Variants in FAM184B observed in about 807,000 individuals in gnomAD.
FAM184B encodes the protein family with sequence similarity 184 member B, also known as protein FAM184B.
Under a neutral mutation model 135.9 loss-of-function variants are expected in FAM184B, and 111 were observed. The ratio of observed to expected loss-of-function variants is 0.82; its 90% confidence interval spans 0.70 to 0.96. The LOEUF is 0.96. FAM184B is among the 40% of genes least tolerant of loss of function. FAM184B has a pLI of 0.00. For missense variants in FAM184B, 1,375 were observed against 1,323.9 expected (o/e 1.04, Z -0.60); for synonymous variants, 552 against 524.8 (o/e 1.05, Z -0.71).
In FAM184B at chr4:17,658,423, A is replaced by G. The variant is rs1393889273; in HGVS notation, c.1964T>C (p.Met655Thr). 8 of 1,551,476 alleles carry G rather than the reference A, an allele frequency of 5.2e-6. No homozygotes were observed. The highest frequency in any genetic ancestry group is 6.1e-6 in the Non-Finnish European group (7 of 1,147,002). Residue 655 changes from methionine to threonine, a missense_variant, in exon 10 of 18, where the codon ATG becomes ACG. Met to Thr is a moderately conservative substitution (Grantham distance 81). Transcript: ENST00000265018. ...GTGGGAAGCCTCGAGCTGGGCTTTC[A>G]TGGCGTGGTTCTGCTGAGTGGTCTC... ...LQETTQQNHA[M>T]KAQLEASHQR...
chr4:17,770,045 C>T (rs1253775202), intron 1 of FAM184B, among the ~76,000 whole-genome samples: 1 of 152,014 alleles, frequency 6.6e-6, no homozygotes, highest in African/African-American at 2.4e-5. Flanking sequence ...AAGCTTGGCA[C>T]AGGAGAAGAT....
At chr4:17,731,923 A>G (rs1392399544) in intron 1 of FAM184B, among the ~76,000 whole-genome samples, 2 of 152,100 alleles carry the variant, frequency 1.3e-5, no homozygotes, top group African/African-American at 4.8e-5. Flanking sequence ...AAAACTGACC[A>G]CATAGTTGGA....
chr4:17,654,863 C>CT (rs1184715122), intron 10 of FAM184B, among the ~76,000 whole-genome samples: 1 of 151,208 alleles, frequency 6.6e-6, no homozygotes, highest in Non-Finnish European at 1.5e-5. Context: ...TTTTCTTTTT[C>CT]TTTTTTTGAG....
intron 1 of FAM184B, among the ~76,000 whole-genome samples, chr4:17,773,764 A>C (rs1718869131): frequency 6.6e-6 from 1 of 151,942 alleles, no homozygotes; most frequent in African/African-American, 2.4e-5. Context: ...TTTAGTAGAG[A>C]TGGGGTTTCT....
chr4:17,745,993 C>T (rs1447068921), intron 1 of FAM184B, among the ~76,000 whole-genome samples: 1 of 152,190 alleles, frequency 6.6e-6, no homozygotes, highest in African/African-American at 2.4e-5. Flanking sequence ...GAGTCTCACT[C>T]TGTCGCCCAG....
In FAM184B at chr4:17,642,049, C is replaced by T; in HGVS notation, c.2519+7G>A. 6.6e-7 allele frequency: 1 copy of T among 1,523,730 alleles called. No individual in the cohort carries two copies. 94.4% of individuals were successfully genotyped at this position (1,523,730 alleles called of 1,614,324 possible). On this transcript the variant is annotated splice_region_variant and intron_variant, in intron 13 of 17. Transcript: ENST00000265018. The stretch of plus-strand genomic sequence containing the variant: ...GGCGCGGTGGCGGGGCGCGCCGGGT[C>T]ACCCACCTGCGCTGGTCTCGGAGCT...
chr4:17,636,224 G>C (rs1019504708), intron 15 of FAM184B, among the ~76,000 whole-genome samples: 3 of 152,170 alleles, frequency 2.0e-5, no homozygotes, highest in Non-Finnish European at 4.4e-5. Context: ...TCCTGCCTCA[G>C]CCTTCCTAGA....
rs1443549671 is a variant in FAM184B, at chr4:17,705,110, G to A, written c.1267C>T (p.His423Tyr). The A allele has an allele frequency of 1.3e-6, 2 of 1,551,684 alleles. No individual in the cohort carries two copies. Among genetic ancestry groups the A allele is most frequent in the East Asian group, 2.4e-5 (1 of 40,912 alleles). The change falls in exon 5 of 18, where the codon CAT becomes TAT. Residue 423 changes from histidine to tyrosine, a missense_variant. Coordinates refer to ENST00000265018, the MANE Select transcript of FAM184B (RefSeq NM_015688.2). ...CGCTTCACTAGCTGGTCTTTGAGAT[G>A]TTTCTTCTCCTCTTCTGTCTGATGT... ...IKHQTEEEKK[H>Y]LKDQLVKRLE... is the part of the protein sequence containing the mutation.
At chr4:17,768,636 T>G (rs1718748530) in intron 1 of FAM184B, among the ~76,000 whole-genome samples, 1 of 152,032 alleles carries the variant, frequency 6.6e-6, no homozygotes, top group Non-Finnish European at 1.5e-5. Context: ...TCTTTTATGG[T>G]TTTCAGTTTT....
In FAM184B at chr4:17,781,294, A is replaced by G. The variant is rs1362882005; in HGVS notation, c.6T>C (p.Ala2=). M[A]SALNSKINPP... is the part of the protein sequence containing the mutation. ...GGTTAATTTTGCTGTTGAGAGCAGA[A>G]GCCATCGCTAAAACGCGCCCAGCAC... is the stretch of plus-strand genomic sequence containing the variant. The change falls in exon 1 of 18, where the codon GCT becomes GCC. Residue 2 remains alanine (A), a synonymous_variant. Transcript: ENST00000265018. The surrounding 1 kb of genome is among the most constrained non-coding windows in gnomAD (Gnocchi z 6.5). 1.3e-6 allele frequency: 2 copies of G among 1,533,778 alleles called. No homozygotes were observed. Among genetic ancestry groups the G allele is most frequent in the African/African-American group, 2.8e-5 (2 of 72,382 alleles).
Position 17,659,965 on chromosome 4 carries a change from T to A in FAM184B, c.1817A>T (p.Gln606Leu), listed in dbSNP as rs1361463042. ...CCACCAGGGTTGTCCTACCTGGGCT[T>A]GCAATTTGGCCTTCTGGCTTTGCCA... is the stretch of plus-strand genomic sequence containing the variant. ...EDWQSQKAKL[Q>L]AQVSQMQQAL... is the part of the protein sequence containing the mutation. Residue 606 changes from glutamine (Q) to leucine (L), a missense_variant, in exon 9 of 18, where the codon CAA becomes CTA. Gln to Leu is a moderately radical substitution (Grantham distance 113, BLOSUM62 -2). Coordinates refer to ENST00000265018, the MANE Select transcript of FAM184B (RefSeq NM_015688.2). The A allele has an allele frequency of 1.7e-5, 26 of 1,550,876 alleles. 2 individuals are homozygous for A. The highest frequency in any genetic ancestry group is 1.9e-4 in the Middle Eastern group (1 of 5,320).
chr4:17,632,935 TTTTTGTGACA>T (rs1484227433), intron 17 of FAM184B: 1 of 197,546 alleles, frequency 5.1e-6, no homozygotes, highest in Admixed American at 5.4e-5. Context: ...TTGTTTTTAT[TTTTTGTGACA>T]GAGTCTCCCT....
chr4:17,773,160 C>T (rs1453633664), intron 1 of FAM184B, among the ~76,000 whole-genome samples: 2 of 152,230 alleles, frequency 1.3e-5, no homozygotes, highest in Non-Finnish European at 2.9e-5. Flanking sequence ...CTGACACCCT[C>T]CCGGGTCTCA....
At chr4:17,702,946 C>T (rs1037343435) in intron 5 of FAM184B, among the ~76,000 whole-genome samples, 2 of 152,170 alleles carry the variant, frequency 1.3e-5, no homozygotes, top group African/African-American at 4.8e-5. Flanking sequence ...AATACAGCTG[C>T]CTACCCAGTG....
chr4:17,779,086 G>A (rs1718984715), intron 1 of FAM184B, among the ~76,000 whole-genome samples: 1 of 152,120 alleles, frequency 6.6e-6, no homozygotes, highest in African/African-American at 2.4e-5. Flanking sequence ...ACCAGCAGTG[G>A]AATATGTATC....
intron 8 of FAM184B, among the ~76,000 whole-genome samples, chr4:17,663,325 C>G (rs1368892882): frequency 1.3e-5 from 2 of 152,126 alleles, no homozygotes; most frequent in East Asian, 3.8e-4. Context: ...GATGCCCTCT[C>G]TCACTCCTGT....
chr4:17,702,026 C>A (rs2108962514), intron 5 of FAM184B, among the ~76,000 whole-genome samples: 1 of 152,290 alleles, frequency 6.6e-6, no homozygotes, highest in Non-Finnish European at 1.5e-5. Flanking sequence ...GTTCTCCAGG[C>A]AATGCGCAGG....
intron 10 of FAM184B, among the ~76,000 whole-genome samples, chr4:17,654,216 C>G (rs1715727647): frequency 6.7e-6 from 1 of 148,816 alleles, no homozygotes; most frequent in African/African-American, 2.5e-5. Context: ...TTCCAGTTAG[C>G]AGAGTTCCAG....
At chr4:17,637,762 C>T (rs1398003525) in intron 14 of FAM184B, among the ~76,000 whole-genome samples, 1 of 152,204 alleles carries the variant, frequency 6.6e-6, no homozygotes, top group Non-Finnish European at 1.5e-5. Flanking sequence ...AGTGGCTTCA[C>T]CTGTTTGGAC....
Sources: allele counts gnomAD v4.1 joint callset (sites outside exome capture counted in the v4.1 genomes callset), GRCh38; gene constraint gnomAD v4.1.1; non-coding constraint Gnocchi (gnomAD v3.1); transcripts MANE v1.5; gene names NCBI Gene and HGNC (gene_info 2026-07-23, HGNC 2026-07-21).